The following ZNF506 variants were observed in gnomAD, a reference collection of about 807,000 sequenced individuals.
ZNF506 encodes the protein zinc finger protein 506.
A neutral mutation model predicts 11.6 loss-of-function variants in ZNF506; 10 were observed. The observed-to-expected ratio is 0.86, with a 90% CI of 0.53 to 1.46. ZNF506 has a LOEUF of 1.46. Ranked by LOEUF, ZNF506 falls within the 40% of genes most tolerant of loss-of-function variation. The pLI is 0.00. For synonymous variants in ZNF506, 156 were observed against 173.3 expected, an observed-to-expected ratio of 0.90 and a Z score of 0.78; for missense variants, 425 against 521.2, an observed-to-expected ratio of 0.82 and a Z score of 1.80.
rs762751252 is a variant in ZNF506 at position 19,806,013 on chromosome 19, A to G, written c.226+18T>C. On this transcript the variant is annotated intron_variant, in intron 3 of 3. Coordinates refer to ENST00000540806, the MANE Select transcript of ZNF506 (RefSeq NM_001099269.3). ...TCTATCTGTGTTGTCTGTCCTATTC[A>G]TTTTCACTCGCACCTACCTGGGGGT... The G allele has an allele frequency of 1.9e-6, 3 of 1,593,244 alleles. No individual in the cohort carries two copies. The highest frequency in any genetic ancestry group is 1.4e-5 in the African/African-American group (1 of 73,640).
Position 19,795,472 on chromosome 19 carries a change from T to C in ZNF506, c.415A>G (p.Thr139Ala). ...GYNGLKQCLA[T>A]TQRKIFQCDE... ...CATTGAAATATTTTTCTCTGGGTAG[T>C]TGCCAAACATTGTTTAAGTCCATTA... The change falls in exon 4 of 4, where the codon ACT becomes GCT. Residue 139 changes from threonine (T) to alanine (A), a missense_variant. Coordinates refer to ENST00000540806, the MANE Select transcript of ZNF506 (RefSeq NM_001099269.3). 2.5e-6 allele frequency: 4 copies of C among 1,594,900 alleles called. No homozygotes were observed. The highest frequency in any genetic ancestry group is 2.2e-5 in the East Asian group (1 of 44,728).
intron 1 of ZNF506, among the ~76,000 whole-genome samples, chr19:19,809,646 T>A (rs1022385983): frequency 6.6e-6 from 1 of 152,082 alleles, no homozygotes; most frequent in Non-Finnish European, 1.5e-5. Context: ...ACAGAAGAGA[T>A]TCAGGAACAA....
chr19:19,806,390 G>A (rs1347844232), intron 2 of ZNF506: 2 of 205,388 alleles, frequency 9.7e-6, no homozygotes, highest in East Asian at 1.5e-4. Flanking sequence ...CTGAGTAGCT[G>A]GGATTACAGG....
At position 19,808,185 on chromosome 19, in the gene ZNF506, G is replaced by A. The variant is rs1408568589; in HGVS notation, c.4-1117C>T. Among the ~76,000 whole-genome samples the A allele has an allele frequency of 3.0e-5, 4 of 132,880 alleles. No homozygotes were observed. In the South Asian group the frequency reaches 7.4e-4, roughly 25 times the overall value. The allele number at this position is 132,880 out of a possible 152,430, so 87.2% of individuals were successfully genotyped here. ...GTCGCCCAGGCCGGAGTGCAGTGGC[G>A]CGATCTCGGCTCACTGCAAGCTCCG... On this transcript the variant is annotated intron_variant, in intron 1 of 3. Coordinates refer to ENST00000540806, the MANE Select transcript of ZNF506 (RefSeq NM_001099269.3).
chr19:19,806,538 G>A (rs1386586392), intron 2 of ZNF506, among the ~76,000 whole-genome samples: 1 of 152,196 alleles, frequency 6.6e-6, no homozygotes, highest in African/African-American at 2.4e-5. Context: ...TTATAGGTGT[G>A]AGCCACCAAG....
intron 1 of ZNF506, among the ~76,000 whole-genome samples, chr19:19,815,922 C>T (rs1568481086): frequency 6.6e-6 from 1 of 152,080 alleles, no homozygotes; most frequent in Non-Finnish European, 1.5e-5. Context: ...AAGAAATGCA[C>T]AGAACAAAGA....
chr19:19,802,450 A>G (rs1013412076), intron 3 of ZNF506, among the ~76,000 whole-genome samples: 2 of 152,034 alleles, frequency 1.3e-5, no homozygotes, highest in African/African-American at 2.4e-5. Flanking sequence ...CTATAATCCA[A>G]CTTTAGAAGA....
chr19:19,799,190 T>C (rs1267888381), intron 3 of ZNF506: 1 of 323,862 alleles, frequency 3.1e-6, no homozygotes, highest in African/African-American at 2.1e-5. Flanking sequence ...TTTGTGCGTG[T>C]GTGTGTCTCA....
intron 3 of ZNF506, chr19:19,797,335 A>G (rs922511343): frequency 1.3e-5 from 2 of 150,974 alleles, no homozygotes; most frequent in Non-Finnish European, 2.9e-5. Flanking sequence ...AATCCCAGCT[A>G]TTCAGGGGGC....
Position 19,795,093 on chromosome 19 carries a change from G to A in ZNF506, c.794C>T (p.Ala265Val). ...AAAAAGGGTTGCAGGGTGGTTAAAA[G>A]CTTTGCCACATTCTCTACATCTGTA... The part of the protein sequence containing the change: ...KPYRCRECGK[A>V]FNHPATLFSH... Residue 265 changes from alanine (A) to valine (V), a missense_variant, in exon 4 of 4, where the codon GCT (alanine) becomes GTT (valine). Physicochemically the swap from Ala to Val is moderately conservative, Grantham distance 64. Coordinates refer to ENST00000540806, the MANE Select transcript of ZNF506 (RefSeq NM_001099269.3). 1 of 1,613,732 alleles carries A rather than the reference G, an allele frequency of 6.2e-7. No individual in the cohort carries two copies. Among genetic ancestry groups the A allele is most frequent in the Non-Finnish European group, 8.5e-7 (1 of 1,179,882 alleles).
intron 1 of ZNF506, among the ~76,000 whole-genome samples, chr19:19,814,410 A>AAATAATAAT (rs59922058): frequency 0.021 from 3,042 of 144,120 alleles, 108 homozygotes; most frequent in African/African-American, 0.071. Context: ...CTCCATCTCA[A>AAATAATAAT]AATAATAATA....
intron 1 of ZNF506, among the ~76,000 whole-genome samples, chr19:19,817,583 A>G (rs1180314971): frequency 2.6e-5 from 4 of 152,058 alleles, no homozygotes; most frequent in Non-Finnish European, 4.4e-5. Flanking sequence ...CTTCTCTCAG[A>G]ATAAAGGCTT....
At chr19:19,811,653 T>A (rs2062883867) in intron 1 of ZNF506, among the ~76,000 whole-genome samples, 1 of 151,996 alleles carries the variant, frequency 6.6e-6, no homozygotes, top group Admixed American at 6.6e-5. Flanking sequence ...AATACAAAAA[T>A]TAGCCGGATG....
chr19:19,803,917 C>G (rs550638194), intron 3 of ZNF506, among the ~76,000 whole-genome samples: 1 of 152,050 alleles, frequency 6.6e-6, no homozygotes, highest in Non-Finnish European at 1.5e-5. Flanking sequence ...GTAGATCATA[C>G]AATCTTATTT....
intron 1 of ZNF506, among the ~76,000 whole-genome samples, chr19:19,815,609 C>G (rs1043843379): frequency 6.6e-6 from 1 of 152,214 alleles, no homozygotes; most frequent in African/African-American, 2.4e-5. Flanking sequence ...TCTGTAGAGT[C>G]TGCTGAACAT....
rs558062642 is a variant in ZNF506, at chr19:19,794,783, G to C, written c.1104C>G (p.Pro368=). 1.4e-5 allele frequency: 23 copies of C among 1,613,496 alleles called. No individual in the cohort carries two copies. The highest frequency in any genetic ancestry group is 1.9e-5 in the Non-Finnish European group (22 of 1,179,900). The change falls in exon 4 of 4, where the codon CCC becomes CCG. Residue 368 remains proline, a synonymous_variant. Coordinates refer to ENST00000540806, the MANE Select transcript of ZNF506 (RefSeq NM_001099269.3). ...KHKRAHTGEK[P]YKCEECGKAF... ...CTTTGCCACATTCTTCACACTTGTA[G>C]GGTTTCTCTCCAGTATGAGCTCTCT...
At chr19:19,808,907 G>C (rs1444014500) in intron 1 of ZNF506, among the ~76,000 whole-genome samples, 1 of 149,780 alleles carries the variant, frequency 6.7e-6, no homozygotes, top group African/African-American at 2.5e-5. Context: ...TTACTCCTCT[G>C]TTCTGTAATT....
At chr19:19,810,080 C>A (rs1403412165) in intron 1 of ZNF506, among the ~76,000 whole-genome samples, 1 of 152,154 alleles carries the variant, frequency 6.6e-6, no homozygotes, top group Non-Finnish European at 1.5e-5. Flanking sequence ...GTAATTTTGG[C>A]CCCACTTTAT....
intron 3 of ZNF506, chr19:19,795,900 A>C: frequency 4.2e-6 from 2 of 472,998 alleles, no homozygotes; most frequent in Non-Finnish European, 7.7e-6. Flanking sequence ...CAATGCAAAG[A>C]GCCACATAGA....
Sources: gnomAD v4.1 joint callset for allele counts (sites outside exome capture counted in the v4.1 genomes callset) on GRCh38, gnomAD v4.1.1 for gene constraint, MANE v1.5 for transcripts, NCBI Gene and HGNC (gene_info 2026-07-23, HGNC 2026-07-21) for gene names.